DAGLA: variants seen among roughly 807,000 people sequenced by gnomAD.
DAGLA encodes the protein diacylglycerol lipase alpha.
Under a neutral mutation model 102.6 loss-of-function variants are expected in DAGLA, and 22 were observed. The ratio of observed to expected loss-of-function variants is 0.21; its 90% confidence interval spans 0.15 to 0.31. DAGLA has a LOEUF of 0.31. Ranked by LOEUF, DAGLA falls within the 10% of genes least tolerant of loss-of-function variation. The pLI, the probability that DAGLA is intolerant of heterozygous loss-of-function variation, is 1.00. For synonymous variants in DAGLA, 578 were observed against 628.9 expected (o/e 0.92, Z 1.21); for missense variants, 927 against 1,446.6 (o/e 0.64, Z 5.83).
rs554552320 is a variant in DAGLA, at chr11:61,707,121, C to T, written c.-44-12991C>T. Among the ~76,000 whole-genome samples, 307 of 152,390 alleles carry T rather than the reference C, an allele frequency of 2.0e-3. 3 individuals carry two copies. Among genetic ancestry groups the T allele is most frequent in the Non-Finnish European group, 2.8e-3 (190 of 68,040 alleles). On this transcript the variant is annotated intron_variant, in intron 1 of 19. Transcript: ENST00000257215. ...TGAAGCCCTGCCAAACTCCCGCCCC[C>T]TCCCTGCCGTGTCCTCGTGAAGTGG...
chr11:61,696,053 C>A (rs1426006662), intron 1 of DAGLA, among the ~76,000 whole-genome samples: 7 of 152,246 alleles, frequency 4.6e-5, no homozygotes, highest in Non-Finnish European at 1.0e-4. Context: ...TCCGCCCCCA[C>A]TGAGACTCCT....
rs191780624 is a variant in DAGLA at position 61,699,814 on chromosome 11, C to T, written c.-45+19310C>T. ...ACCCGAATGCCACCCCATAGGGCAG[C>T]GGGCCCACAGCATGGAGGCCCTCCG... On this transcript the variant is annotated intron_variant, in intron 1 of 19. Transcript: ENST00000257215. Among the ~76,000 whole-genome samples the T allele has an allele frequency of 1.2e-3, 189 of 152,366 alleles. 1 individual carries two copies. The highest frequency in any genetic ancestry group is 4.4e-3 in the African/African-American group (181 of 41,596).
rs745555295 is a variant in DAGLA, at chr11:61,744,248, A to G, written c.2888A>G (p.Gln963Arg). ...PSQQEILLRA[Q>R]FEPNLVPKPP... Reference sequence around the variant, plus strand: ...CAGCAAGAGATCCTGCTCCGTGCCCAGTTCGAGCCCAACCTGGTGCCCAAG... The same window carrying G: ...CAGCAAGAGATCCTGCTCCGTGCCCGGTTCGAGCCCAACCTGGTGCCCAAG... The change falls in exon 20 of 20, where the codon CAG becomes CGG. Residue 963 changes from glutamine to arginine, a missense_variant. Transcript: ENST00000257215. 3 of 1,613,038 alleles carry G rather than the reference A, an allele frequency of 1.9e-6. No homozygotes were observed. The highest frequency in any genetic ancestry group is 2.5e-6 in the Non-Finnish European group (3 of 1,179,958).
chr11:61,708,300 G>C (rs1380001209), intron 1 of DAGLA, among the ~76,000 whole-genome samples: 2 of 151,952 alleles, frequency 1.3e-5, no homozygotes, highest in African/African-American at 4.8e-5. Context: ...GAGCCACCGC[G>C]CCCGACTTGG....
chr11:61,715,556 C>T (rs908894708), intron 1 of DAGLA, among the ~76,000 whole-genome samples: 1 of 152,218 alleles, frequency 6.6e-6, no homozygotes, highest in South Asian at 2.1e-4. Flanking sequence ...CAGGGCCAAG[C>T]CCACAGGGTA....
Position 61,743,509 on chromosome 11 carries a change from CCTGCTCTCCTCTCCCT to C in DAGLA, c.2172-18_2172-3del, listed in dbSNP as rs1233802135. 8 of 1,499,164 alleles carry C rather than the reference CCTGCTCTCCTCTCCCT, an allele frequency of 5.3e-6. No homozygotes were observed. Among genetic ancestry groups the C allele is most frequent in the African/African-American group, 1.4e-5 (1 of 71,562 alleles). The allele number at this position is 1,499,164 out of a possible 1,614,324, so 92.9% of individuals were successfully genotyped here. A position where few individuals can be genotyped will look rare whatever the true frequency, so the allele number is the denominator to read the frequency against. ...CCTCTCCCTTCTGAGTCTTATACCC[CCTGCTCTCCTCTCCCT>C]CTGCAGGAGCAAGTCCCAGTCTGAG... On this transcript the variant is annotated splice_polypyrimidine_tract_variant and splice_region_variant and intron_variant, in intron 19 of 19. Coordinates refer to ENST00000257215, the MANE Select transcript of DAGLA (RefSeq NM_006133.3).
chr11:61,738,323 G>A (rs1205560490), intron 16 of DAGLA, 116 bp downstream of exon 16: 1 of 796,738 alleles, frequency 1.3e-6, no homozygotes, highest in East Asian at 2.7e-5. Flanking sequence ...GCCAGGGCAG[G>A]GTGTGGCTGG....
rs1454720440 is a variant in DAGLA at position 61,735,509 on chromosome 11, T to C, written c.1129-52T>C. On this transcript the variant is annotated intron_variant, in intron 10 of 19. Coordinates refer to ENST00000257215, the MANE Select transcript of DAGLA (RefSeq NM_006133.3). ...GGAGACCTGCCTAGGTCACTTTCCC[T>C]GAGTGTGGCCCCACCAGGGCCGCTC... is the stretch of plus-strand genomic sequence containing the variant. 141 of 1,546,794 alleles carry C rather than the reference T, an allele frequency of 9.1e-5. 1 individual carries two copies. Among genetic ancestry groups the C allele is most frequent in the Non-Finnish European group, 9.9e-5 (112 of 1,125,856 alleles).
chr11:61,702,651 T>TGGGAGAGGGCTTCA (rs1253162670), intron 1 of DAGLA, among the ~76,000 whole-genome samples: 1 of 152,210 alleles, frequency 6.6e-6, no homozygotes, highest in Admixed American at 6.5e-5. Context: ...GGCCCCCGGT[T>TGGGAGAGGGCTTCA]GGGAGAGGGC....
intron 1 of DAGLA, among the ~76,000 whole-genome samples, chr11:61,690,575 G>C (rs1482245493): frequency 6.6e-6 from 1 of 152,202 alleles, no homozygotes; most frequent in Non-Finnish European, 1.5e-5. Flanking sequence ...GCTCAGGACA[G>C]TCCCATGGCA....
intron 1 of DAGLA, among the ~76,000 whole-genome samples, chr11:61,693,234 T>G (rs918499931): frequency 6.6e-6 from 1 of 151,942 alleles, no homozygotes; most frequent in Non-Finnish European, 1.5e-5. Context: ...GGACCTCAGG[T>G]GATCCAGCCT....
intron 1 of DAGLA, among the ~76,000 whole-genome samples, chr11:61,708,706 G>A (rs971513469): frequency 3.9e-5 from 6 of 152,096 alleles, no homozygotes; most frequent in Admixed American, 3.3e-4. Flanking sequence ...CTTTTAACTC[G>A]CTTTGTCCTC....
chr11:61,734,060 G>A lies in DAGLA; in HGVS notation c.975-789G>A, dbSNP rs1440611179. ...AGGGTCTTAAAAAGAAAATGATGTG[G>A]CTCAACTTATCTTAAAAGGGCCACT... On this transcript the variant is annotated intron_variant, in intron 9 of 19. Transcript: ENST00000257215. This position sits in a 1 kb window ranked among gnomAD's most constrained non-coding sequence, Gnocchi z 4.2. Among the ~76,000 whole-genome samples, 1 of 152,054 alleles carries A rather than the reference G, an allele frequency of 6.6e-6. No homozygotes were observed. The highest frequency in any genetic ancestry group is 1.5e-5 in the Non-Finnish European group (1 of 68,008).
Position 61,731,450 on chromosome 11 carries a change from C to T in DAGLA, c.974+9C>T, listed in dbSNP as rs763688201. 5 of 1,612,912 alleles carry T rather than the reference C, an allele frequency of 3.1e-6. No homozygotes were observed. Among genetic ancestry groups the T allele is most frequent in the Non-Finnish European group, 4.2e-6 (5 of 1,179,864 alleles). On this transcript the variant is annotated intron_variant, in intron 9 of 19. Transcript: ENST00000257215. Reference sequence around the variant, plus strand: ...CTGGCTCGGTCCTGCTCGTGAGTACCCCTGTCCCATCCCCCAGCGATTGCA... The same window carrying T: ...CTGGCTCGGTCCTGCTCGTGAGTACTCCTGTCCCATCCCCCAGCGATTGCA...
intron 9 of DAGLA, 79 bp downstream of exon 9, chr11:61,731,520 C>T: frequency 6.3e-7 from 1 of 1,577,290 alleles, no homozygotes; most frequent in Non-Finnish European, 8.6e-7. Context: ...CCGGGCTGCG[C>T]CTACTGCTTT....
Position 61,728,175 on chromosome 11 carries a change from A to G in DAGLA, c.659A>G (p.Tyr220Cys), listed in dbSNP as rs1483277416. 1 of 1,613,832 alleles carries G rather than the reference A, an allele frequency of 6.2e-7. No individual in the cohort carries two copies. Among genetic ancestry groups the G allele is most frequent in the Admixed American group, 1.7e-5 (1 of 59,988 alleles). The change falls in exon 7 of 20, where the codon TAC becomes TGC. Residue 220 changes from tyrosine to cysteine, a missense_variant. Tyr to Cys is a radical substitution (Grantham distance 194). This residue lies in a region of DAGLA where 231 missense variants were observed against 439.8 expected (regional missense o/e 0.53). Coordinates refer to ENST00000257215, the MANE Select transcript of DAGLA (RefSeq NM_006133.3). ...TAGGATGCCTACTCAGAAATCGCCT[A>G]CCTCTTTGCGGAGTTCTTCCGGGAC... is the stretch of plus-strand genomic sequence containing the variant. ...SQSDAYSEIA[Y>C]LFAEFFRDLD... is the part of the protein sequence containing the mutation.
intron 3 of DAGLA, among the ~76,000 whole-genome samples, chr11:61,721,222 C>T (rs1371552064): frequency 1.3e-5 from 2 of 152,084 alleles, no homozygotes; most frequent in East Asian, 1.9e-4. Context: ...GGGGAAACCC[C>T]GTCTCTACTA....
chr11:61,692,303 C>G (rs2065030764), intron 1 of DAGLA, among the ~76,000 whole-genome samples: 1 of 152,142 alleles, frequency 6.6e-6, no homozygotes, highest in African/African-American at 2.4e-5. Context: ...GCAGCCAGCT[C>G]TGGAAGTTCT....
At chr11:61,736,483 C>A in intron 13 of DAGLA, 133 bp downstream of exon 13, 5 of 745,254 alleles carry the variant, frequency 6.7e-6, no homozygotes, top group Non-Finnish European at 1.1e-5. Context: ...GCAATCCCTT[C>A]CAGCCTGGCT....
Sources: allele counts gnomAD v4.1 joint callset (sites outside exome capture counted in the v4.1 genomes callset), GRCh38; gene constraint gnomAD v4.1.1; regional missense constraint gnomAD v4.1.1; non-coding constraint Gnocchi (gnomAD v3.1); transcripts MANE v1.5; gene names NCBI Gene and HGNC (gene_info 2026-07-23, HGNC 2026-07-21).